FRY: variants seen among roughly 807,000 people sequenced by gnomAD.
FRY encodes the protein FRY microtubule binding protein.
Under a neutral mutation model 348.4 loss-of-function variants are expected in FRY, and 128 were observed. The ratio of observed to expected loss-of-function variants is 0.37; its 90% CI spans 0.32 to 0.43. The LOEUF (loss-of-function observed/expected upper bound fraction) is 0.43, where lower values mean the gene tolerates loss of function less well. Ranked by LOEUF, FRY falls within the 20% of genes least tolerant of loss-of-function variation. FRY has a pLI of 1.00. For synonymous variants in FRY, 1,370 were observed against 1,374.7 expected (o/e 1.00, Z 0.08); for missense variants, 2,736 against 3,695.2 (o/e 0.74, Z 6.73).
At chr13:32,046,212 C>T (rs954009623) in intron 1 of FRY, among the ~76,000 whole-genome samples, 2 of 152,168 alleles carry the variant, frequency 1.3e-5, no homozygotes, top group Admixed American at 6.5e-5. Context: ...GATACTGTTC[C>T]TAGGACATCC....
In FRY at chr13:32,211,176, A is replaced by T. The variant is rs1014081580; in HGVS notation, c.4591+142A>T. On this transcript the variant is annotated intron_variant, in intron 34 of 60. Transcript: ENST00000542859. ...TTCAGTTAAGAGATGGCTTAAGAATAACTGAGACATGGGCTGGGCGTGGTG... is the reference window on the plus strand; with the variant it reads ...TTCAGTTAAGAGATGGCTTAAGAATTACTGAGACATGGGCTGGGCGTGGTG... 11 of 815,570 alleles carry T rather than the reference A, an allele frequency of 1.3e-5. No individual in the cohort carries two copies. In the African/African-American group the frequency reaches 1.5e-4, roughly 11 times the overall value. 50.5% of individuals were successfully genotyped at this position (815,570 alleles called of 1,614,324 possible). A position where few individuals can be genotyped will look rare whatever the true frequency, so the allele number is the denominator to read the frequency against.
intron 11 of FRY, among the ~76,000 whole-genome samples, chr13:32,139,170 C>G (rs1193542719): frequency 6.6e-6 from 1 of 152,132 alleles, no homozygotes; most frequent in Non-Finnish European, 1.5e-5. Context: ...AGAAAACCTT[C>G]CAAACCTCTT....
intron 27 of FRY, 37 bp downstream of exon 27, chr13:32,186,457 T>G (rs1304152128): frequency 1.5e-6 from 2 of 1,304,396 alleles, no homozygotes; most frequent in Admixed American, 3.4e-5. Flanking sequence ...CTGAGTCAGA[T>G]GGATGGTCTC....
chr13:32,234,868 T>C lies in FRY; in HGVS notation c.5715+107T>C. The C allele has an allele frequency of 3.4e-6, 3 of 888,286 alleles. No individual in the cohort carries two copies. The East Asian group carries it at 7.4e-5, about 22-fold the overall frequency. The allele number at this position is 888,286 out of a possible 1,614,324, so 55.0% of individuals were successfully genotyped here. ...TCTGTCAACAATTATTCCAGCCATC[T>C]GGACATGTACAATATATTTTTTCAA... On this transcript the variant is annotated intron_variant, in intron 42 of 60. Coordinates refer to ENST00000542859, the MANE Select transcript of FRY (RefSeq NM_023037.3).
intron 16 of FRY, among the ~76,000 whole-genome samples, chr13:32,158,976 A>AG (rs1566103012): frequency 6.9e-6 from 1 of 144,648 alleles, no homozygotes; most frequent in Admixed American, 6.8e-5. Flanking sequence ...AAAAAAAAAA[A>AG]GAGCTTTAAA....
intron 1 of FRY, among the ~76,000 whole-genome samples, chr13:32,037,090 C>A (rs1258513674): frequency 6.6e-6 from 1 of 151,614 alleles, no homozygotes; most frequent in Admixed American, 6.6e-5. Context: ...GAGCACCATC[C>A]CCTCAGCATA....
chr13:32,257,363 G>A (rs1290324073), intron 51 of FRY, among the ~76,000 whole-genome samples: 1 of 152,156 alleles, frequency 6.6e-6, no homozygotes, highest in Non-Finnish European at 1.5e-5. Context: ...AAGCACAGTT[G>A]TCAAAAAAAG....
intron 58 of FRY, among the ~76,000 whole-genome samples, chr13:32,279,089 A>G (rs1211414283): frequency 1.3e-5 from 2 of 152,234 alleles, no homozygotes; most frequent in African/African-American, 2.4e-5. Flanking sequence ...CTCATGAGCA[A>G]CAGACAAGGC....
intron 58 of FRY, among the ~76,000 whole-genome samples, chr13:32,283,311 C>CA (rs1263411832): frequency 6.6e-6 from 1 of 152,096 alleles, no homozygotes; most frequent in Non-Finnish European, 1.5e-5. Flanking sequence ...ATGGACTCTC[C>CA]ACCATCCCTG....
rs753286082 is a variant in FRY at position 32,173,495 on chromosome 13, C to T, written c.2280C>T (p.Ser760=). 7.4e-6 allele frequency: 12 copies of T among 1,613,416 alleles called. No individual in the cohort carries two copies. Among genetic ancestry groups the T allele is most frequent in the Admixed American group, 3.3e-5 (2 of 59,998 alleles). Residue 760 remains serine (S), a synonymous_variant, in exon 19 of 61, where the codon TCC becomes TCT. Coordinates refer to ENST00000542859, the MANE Select transcript of FRY (RefSeq NM_023037.3). The part of the protein sequence containing the change: ...CSFQVATRKL[S]VLILKEIRAL... ...TCCAGGTGGCCACACGCAAACTGTCCGTTTTAATACTCAAGGAAATTCGAG... is the reference window on the plus strand; with the variant it reads ...TCCAGGTGGCCACACGCAAACTGTCTGTTTTAATACTCAAGGAAATTCGAG...
intron 39 of FRY, among the ~76,000 whole-genome samples, chr13:32,227,810 G>A (rs576278644): frequency 5.7e-4 from 85 of 149,332 alleles, no homozygotes; most frequent in African/African-American, 1.9e-3. Flanking sequence ...GGAGCGCAGC[G>A]GCGCGATCTC....
At chr13:32,145,538 T>TTTG (rs1566095497) in intron 11 of FRY, among the ~76,000 whole-genome samples, 128 of 136,128 alleles carry the variant, frequency 9.4e-4, no homozygotes, top group African/African-American at 1.3e-3. Flanking sequence ...TTTTTTTTTT[T>TTTG]TTTTTTTTTT....
At chr13:32,221,274 C>T (rs531011625) in intron 36 of FRY, among the ~76,000 whole-genome samples, 1 of 152,296 alleles carries the variant, frequency 6.6e-6, no homozygotes, top group South Asian at 2.1e-4. Flanking sequence ...TGACTTCACA[C>T]TACCTTGCAG....
intron 41 of FRY, among the ~76,000 whole-genome samples, chr13:32,234,194 G>C (rs1886087797): frequency 6.6e-6 from 1 of 151,418 alleles, no homozygotes; most frequent in Non-Finnish European, 1.5e-5. Context: ...AGGCAGAGCA[G>C]GCAGATCACT....
At chr13:32,248,820 G>A (rs1474230376) in intron 48 of FRY, among the ~76,000 whole-genome samples, 1 of 152,118 alleles carries the variant, frequency 6.6e-6, no homozygotes, top group East Asian at 1.9e-4. Context: ...GTTCTAAAGA[G>A]GTACAAAAAA....
At chr13:32,110,001 G>A (rs566467094) in intron 3 of FRY, among the ~76,000 whole-genome samples, 1 of 152,290 alleles carries the variant, frequency 6.6e-6, no homozygotes, top group East Asian at 1.9e-4. Flanking sequence ...CTGATGCAGG[G>A]ACATCACGGA....
intron 42 of FRY, among the ~76,000 whole-genome samples, chr13:32,235,441 C>A (rs958988509): frequency 6.6e-6 from 1 of 152,150 alleles, no homozygotes; most frequent in East Asian, 1.9e-4. Context: ...CTGGCCAACA[C>A]GGTGAAACCC....
chr13:32,054,986 T>C (rs1873545515), intron 1 of FRY, among the ~76,000 whole-genome samples: 1 of 152,232 alleles, frequency 6.6e-6, no homozygotes, highest in Non-Finnish European at 1.5e-5. Context: ...CATTATGTTT[T>C]GAGTTATAGA....
chr13:32,043,506 A>G (rs1872855843), intron 1 of FRY, among the ~76,000 whole-genome samples: 1 of 152,218 alleles, frequency 6.6e-6, no homozygotes, highest in Non-Finnish European at 1.5e-5. Flanking sequence ...ATGTGGAAAG[A>G]TGAAGGAACC....
Sources: allele counts gnomAD v4.1 joint callset (sites outside exome capture counted in the v4.1 genomes callset), GRCh38; gene constraint gnomAD v4.1.1; transcripts MANE v1.5; gene names NCBI Gene and HGNC (gene_info 2026-07-23, HGNC 2026-07-21).